Variants in GRID2 observed in about 807,000 individuals in gnomAD.
GRID2 encodes glutamate ionotropic receptor delta type subunit 2.
Under a neutral mutation model 114.8 loss-of-function variants are expected in GRID2, and 33 were observed. The observed-to-expected ratio is 0.29, with a 90% confidence interval of 0.22 to 0.38. The LOEUF is 0.38. GRID2 is among the 10% of genes least tolerant of loss of function. GRID2 has a pLI of 1.00. For synonymous variants in GRID2, 505 were observed against 449.9 expected, an observed-to-expected ratio of 1.12 and a Z score of -1.55; for missense variants, 1,184 against 1,257.7, an observed-to-expected ratio of 0.94 and a Z score of 0.89.
At chr4:93,049,551 G>A (rs141731271) in intron 2 of GRID2, among the ~76,000 whole-genome samples, 1 of 151,060 alleles carries the variant, frequency 6.6e-6, no homozygotes, top group African/African-American at 2.4e-5. Flanking sequence ...CAAACTTTAG[G>A]CCACAATTTT....
intron 2 of GRID2, among the ~76,000 whole-genome samples, chr4:92,673,694 A>T (rs778711714): frequency 6.6e-6 from 1 of 152,136 alleles, no homozygotes; most frequent in Non-Finnish European, 1.5e-5. Context: ...ATTTTGATCT[A>T]TTGAATTCTG....
At chr4:93,107,687 G>T (rs1222650330) in intron 3 of GRID2, among the ~76,000 whole-genome samples, 2 of 151,848 alleles carry the variant, frequency 1.3e-5, no homozygotes, top group Non-Finnish European at 2.9e-5. Flanking sequence ...TAGAGACGAG[G>T]TTTACCATGT....
chr4:93,357,011 C>G (rs574034602), intron 8 of GRID2, among the ~76,000 whole-genome samples: 1 of 151,340 alleles, frequency 6.6e-6, no homozygotes, highest in East Asian at 2.0e-4. Flanking sequence ...TTTGGAATAT[C>G]TATATTTAAA....
intron 3 of GRID2, among the ~76,000 whole-genome samples, chr4:93,095,115 G>A (rs1186970575): frequency 6.6e-6 from 1 of 151,818 alleles, no homozygotes; most frequent in Non-Finnish European, 1.5e-5. Context: ...ACACTAGCAA[G>A]ACCATTTTTA....
chr4:93,392,236 T>A (rs1166636500), intron 8 of GRID2, among the ~76,000 whole-genome samples: 2 of 152,066 alleles, frequency 1.3e-5, no homozygotes, highest in Non-Finnish European at 2.9e-5. Context: ...TTGGACTCAT[T>A]GTTAAAAAAA....
At chr4:93,725,451 C>T (rs1164759483) in intron 14 of GRID2, among the ~76,000 whole-genome samples, 7 of 152,136 alleles carry the variant, frequency 4.6e-5, no homozygotes, top group Non-Finnish European at 8.8e-5. Context: ...CATACATGTG[C>T]ATGTGTCTTT....
chr4:92,312,265 A>G lies in GRID2; in HGVS notation c.88+7521A>G, dbSNP rs1296032288. Among the ~76,000 whole-genome samples, 3 of 152,064 alleles carry G rather than the reference A, an allele frequency of 2.0e-5. No homozygotes were observed. In the East Asian group the frequency reaches 5.8e-4, roughly 29 times the overall value. Reference sequence around the variant, plus strand: ...TTACAGGCCATGGTAAGGTATTTAAATCTTCTAGGTATATTTGGGTTAAGA... The same window carrying G: ...TTACAGGCCATGGTAAGGTATTTAAGTCTTCTAGGTATATTTGGGTTAAGA... On this transcript the variant is annotated intron_variant, in intron 1 of 15. Coordinates refer to ENST00000282020, the MANE Select transcript of GRID2 (RefSeq NM_001510.4).
chr4:93,308,370 A>G (rs940400428), intron 8 of GRID2, among the ~76,000 whole-genome samples: 8 of 152,142 alleles, frequency 5.3e-5, no homozygotes, highest in Admixed American at 1.3e-4. Context: ...TCCTGTTTCC[A>G]TAGTTCACAT....
At chr4:93,188,654 T>A (rs948562649) in intron 4 of GRID2, among the ~76,000 whole-genome samples, 4 of 152,218 alleles carry the variant, frequency 2.6e-5, no homozygotes, top group Non-Finnish European at 5.9e-5. Flanking sequence ...GGCTGAGAAT[T>A]TTCCAGATCT....
intron 1 of GRID2, among the ~76,000 whole-genome samples, chr4:92,347,591 C>A (rs1431982774): frequency 1.3e-5 from 2 of 151,380 alleles, no homozygotes; most frequent in Non-Finnish European, 3.0e-5. Flanking sequence ...GTAGAGGATT[C>A]TATTATATAT....
chr4:93,166,761 G>C (rs147703596), intron 4 of GRID2, among the ~76,000 whole-genome samples: 8 of 152,204 alleles, frequency 5.3e-5, no homozygotes, highest in Non-Finnish European at 1.0e-4. Flanking sequence ...TGTTCTCTCT[G>C]TGCTTGGTCT....
At chr4:93,622,359 ATT>A (rs1396052361) in intron 13 of GRID2, among the ~76,000 whole-genome samples, 1 of 152,128 alleles carries the variant, frequency 6.6e-6, no homozygotes, top group Non-Finnish European at 1.5e-5. Flanking sequence ...GATATTACTC[ATT>A]TTTTTATCAT....
At position 93,011,085 on chromosome 4, in the gene GRID2, G is replaced by T. The variant is rs530326809; in HGVS notation, c.245-73910G>T. 2.6e-3 allele frequency among the ~76,000 whole-genome samples: 378 copies of T among 148,170 alleles called. 1 individual carries two copies. The highest frequency in any genetic ancestry group is 4.0e-3 in the African/African-American group (163 of 40,452). On this transcript the variant is annotated intron_variant, in intron 2 of 15. Coordinates refer to ENST00000282020, the MANE Select transcript of GRID2 (RefSeq NM_001510.4). ...GATTAGAAATATAATTTTTTAATAT[G>T]TCCAGGTAATTTTTTAAAAATATAT...
chr4:93,384,489 T>C (rs1264648148), intron 8 of GRID2, among the ~76,000 whole-genome samples: 3 of 152,180 alleles, frequency 2.0e-5, no homozygotes, highest in Non-Finnish European at 4.4e-5. Flanking sequence ...TGGGAATTAG[T>C]CATATGCTGC....
intron 1 of GRID2, among the ~76,000 whole-genome samples, chr4:92,376,857 T>C (rs1215125069): frequency 1.3e-5 from 2 of 151,838 alleles, no homozygotes; most frequent in Non-Finnish European, 2.9e-5. Flanking sequence ...AAGGATGGAG[T>C]AGCTGGGACA....
chr4:92,845,138 T>C (rs1743214068), intron 2 of GRID2, among the ~76,000 whole-genome samples: 1 of 152,064 alleles, frequency 6.6e-6, no homozygotes, highest in African/African-American at 2.4e-5. Context: ...CCCTGAAAGG[T>C]CTTGAAGACT....
chr4:92,514,126 A>G (rs936851964), intron 1 of GRID2, among the ~76,000 whole-genome samples: 1 of 151,888 alleles, frequency 6.6e-6, no homozygotes, highest in Non-Finnish European at 1.5e-5. Context: ...AACTGCTTAT[A>G]TGAGCCAACT....
At chr4:93,433,433 C>T (rs1769611411) in intron 10 of GRID2, among the ~76,000 whole-genome samples, 1 of 152,102 alleles carries the variant, frequency 6.6e-6, no homozygotes, top group Non-Finnish European at 1.5e-5. Context: ...ATGGAGATAG[C>T]ATGAATAGAG....
intron 1 of GRID2, among the ~76,000 whole-genome samples, chr4:92,439,272 G>A (rs963176343): frequency 6.6e-6 from 1 of 152,034 alleles, no homozygotes; most frequent in African/African-American, 2.4e-5. Context: ...TTTTGTGGTG[G>A]AATATCATCA....
Sources: allele counts gnomAD v4.1 joint callset (sites outside exome capture counted in the v4.1 genomes callset), GRCh38; gene constraint gnomAD v4.1.1; transcripts MANE v1.5; gene names NCBI Gene and HGNC (gene_info 2026-07-23, HGNC 2026-07-21).